Variants in TSKS observed in about 807,000 individuals in gnomAD.
The protein encoded by TSKS is testis specific serine kinase substrate, also known as testis-specific serine kinase substrate.
Under a neutral mutation model 68.0 loss-of-function variants are expected in TSKS, and 27 were observed. That is an observed-to-expected ratio of 0.40 (90% CI 0.29 to 0.55). The LOEUF (loss-of-function observed/expected upper bound fraction) is 0.55. Among genes scored for constraint, TSKS ranks in the 20% least tolerant of loss-of-function variants. The pLI, the probability that TSKS is intolerant of heterozygous loss-of-function variation, is 0.53. For synonymous variants in TSKS, 331 were observed against 340.4 expected (o/e 0.97, Z 0.30); for missense variants, 806 against 776.0 (o/e 1.04, Z -0.46).
At chr19:49,750,759 C>T (rs117693125) in intron 2 of TSKS, among the ~76,000 whole-genome samples, 2,245 of 152,284 alleles carry the variant, frequency 0.015, 32 homozygotes, top group Non-Finnish European at 0.021. Flanking sequence ...AATGGCTGAG[C>T]AACCAGAACG....
chr19:49,749,961 T>A (rs1475724737), intron 2 of TSKS, among the ~76,000 whole-genome samples: 2 of 152,016 alleles, frequency 1.3e-5, no homozygotes, highest in Non-Finnish European at 2.9e-5. Context: ...ACATCATTAC[T>A]TAGACTGTGC....
intron 8 of TSKS, among the ~76,000 whole-genome samples, chr19:49,743,321 G>C (rs1490078812): frequency 6.6e-6 from 1 of 150,994 alleles, no homozygotes; most frequent in Non-Finnish European, 1.5e-5. Context: ...TCAGTGATCT[G>C]CCCGTCTTGG....
intron 8 of TSKS, among the ~76,000 whole-genome samples, chr19:49,743,282 T>C (rs2084267358): frequency 1.3e-5 from 2 of 151,820 alleles, no homozygotes; most frequent in African/African-American, 4.8e-5. Context: ...TCTCACCATG[T>C]TGGCCAGGCT....
At chr19:49,757,688 C>T (rs142682646) in intron 2 of TSKS, among the ~76,000 whole-genome samples, 2 of 152,184 alleles carry the variant, frequency 1.3e-5, no homozygotes, top group African/African-American at 2.4e-5. Flanking sequence ...TCTCCATCAC[C>T]GCCTGGTTCT....
At chr19:49,747,494 G>C (rs1371408723) in intron 4 of TSKS, 22 bp from the exon 5 acceptor site, 2 of 1,612,474 alleles carry the variant, frequency 1.2e-6, no homozygotes, top group South Asian at 2.2e-5. Flanking sequence ...ACCAGGGCGA[G>C]GGCCCTGCCT....
rs924328914 is a variant in TSKS, at chr19:49,748,078, G to A, written c.579+7C>T. The A allele has an allele frequency of 1.9e-6, 3 of 1,613,574 alleles. No homozygotes were observed. Among genetic ancestry groups the A allele is most frequent in the Non-Finnish European group, 2.5e-6 (3 of 1,179,700 alleles). On this transcript the variant is annotated splice_region_variant and intron_variant, in intron 4 of 10. Coordinates refer to ENST00000246801, the MANE Select transcript of TSKS (RefSeq NM_021733.2). ...TCCCCATCCATTCCTGCGTCCCACT[G>A]GCTCACCTTGAGTTGAATGCAGTAC...
chr19:49,744,522 T>C, intron 7 of TSKS, 118 bp from the exon 8 acceptor site: 1 of 978,528 alleles, frequency 1.0e-6, no homozygotes. Flanking sequence ...TTCTCCACCC[T>C]GCCCTCCCCT....
intron 2 of TSKS, among the ~76,000 whole-genome samples, chr19:49,748,900 C>G (rs1283035519): frequency 6.6e-6 from 1 of 152,102 alleles, no homozygotes; most frequent in African/African-American, 2.4e-5. Context: ...AACCCCAACT[C>G]TACTAAAAAT....
At chr19:49,759,755 A>G (rs2084425125) in intron 2 of TSKS, among the ~76,000 whole-genome samples, 1 of 152,058 alleles carries the variant, frequency 6.6e-6, no homozygotes, top group Non-Finnish European at 1.5e-5. Flanking sequence ...AGATCGCTTA[A>G]GCCCAAGGGT....
chr19:49,747,996 A>G lies in TSKS; in HGVS notation c.579+89T>C, dbSNP rs1568562922. ...AGTGCTGGGATTACAGATGTGAGCCACTGCACCCAGCCTCCTCCCCTCTTT... is the reference window on the plus strand; with the variant it reads ...AGTGCTGGGATTACAGATGTGAGCCGCTGCACCCAGCCTCCTCCCCTCTTT... On this transcript the variant is annotated intron_variant, in intron 4 of 10. Transcript: ENST00000246801. 4.7e-6 allele frequency: 6 copies of G among 1,277,164 alleles called. No individual in the cohort carries two copies. The East Asian group carries it at 1.2e-4, about 25-fold the overall frequency. 79.1% of individuals were successfully genotyped at this position (1,277,164 alleles called of 1,614,324 possible).
In TSKS at chr19:49,746,518, A is replaced by C. The variant is rs777905280; in HGVS notation, c.944T>G (p.Val315Gly). Reference protein sequence around the residue: ...MGPRAGEGPYVSEQELQKLFT... With the variant: ...MGPRAGEGPYGSEQELQKLFT... ...CAGCTTCTGCAATTCCTGCTCGCTC[A>C]CGTAGGGGCCCTCGCCAGCCCGAGG... Residue 315 changes from valine to glycine, a missense_variant, in exon 6 of 11, where the codon GTG becomes GGG. Coordinates refer to ENST00000246801, the MANE Select transcript of TSKS (RefSeq NM_021733.2). 1 of 1,613,740 alleles carries C rather than the reference A, an allele frequency of 6.2e-7. No individual in the cohort carries two copies. The highest frequency in any genetic ancestry group is 1.1e-5 in the South Asian group (1 of 91,072).
chr19:49,752,858 C>T (rs2084362320), intron 2 of TSKS, among the ~76,000 whole-genome samples: 1 of 152,200 alleles, frequency 6.6e-6, no homozygotes, highest in Admixed American at 6.5e-5. Context: ...AAGCTTTTCA[C>T]CTCTGGCTGA....
Position 49,748,609 on chromosome 19 carries a change from A to G in TSKS, c.400-140T>C, listed in dbSNP as rs919349160. The G allele has an allele frequency of 5.6e-6, 4 of 717,828 alleles. No individual in the cohort carries two copies. The East Asian group carries it at 8.0e-5, about 14-fold the overall frequency. The allele number at this position is 717,828 out of a possible 1,614,324, so 44.5% of individuals were successfully genotyped here. A position where few individuals can be genotyped will look rare whatever the true frequency, so the allele number is the denominator to read the frequency against. On this transcript the variant is annotated intron_variant, in intron 2 of 10. Coordinates refer to ENST00000246801, the MANE Select transcript of TSKS (RefSeq NM_021733.2). Reference sequence around the variant, plus strand: ...GCTATGTGACTTGGAGCCAAGGGCTATACCTCTGATTCTTAGCATTCCTGC... The same window carrying G: ...GCTATGTGACTTGGAGCCAAGGGCTGTACCTCTGATTCTTAGCATTCCTGC...
chr19:49,746,683 T>A lies in TSKS; in HGVS notation c.779A>T (p.Glu260Val), dbSNP rs376063874. 44 of 1,295,462 alleles carry A rather than the reference T, an allele frequency of 3.4e-5. No homozygotes were observed. The highest frequency in any genetic ancestry group is 4.2e-5 in the Non-Finnish European group (41 of 967,424). 80.2% of individuals were successfully genotyped at this position (1,295,462 alleles called of 1,614,324 possible). Residue 260 changes from glutamate to valine, a missense_variant, in exon 6 of 11, where the codon GAG becomes GTG. Physicochemically the swap from Glu to Val is moderately radical, Grantham distance 121. Transcript: ENST00000246801. ...QEPEEKQEPEEKQKPEAGLSW... is the reference protein window; with the variant it reads ...QEPEEKQEPEVKQKPEAGLSW... ...GAGGCCAGCCTCCGGCTTCTGCTTCTCCTCCGGCTCCTGCTTCTCCTCCGG... is the reference window on the plus strand; with the variant it reads ...GAGGCCAGCCTCCGGCTTCTGCTTCACCTCCGGCTCCTGCTTCTCCTCCGG...
At position 49,746,619 on chromosome 19, in the gene TSKS, G is replaced by A. The variant is rs779722329; in HGVS notation, c.843C>T (p.Gly281=). Residue 281 remains glycine, a synonymous_variant, in exon 6 of 11, where the codon GGC becomes GGT. Coordinates refer to ENST00000246801, the MANE Select transcript of TSKS (RefSeq NM_021733.2). ...NSLGPAATSQ[G]CPGPPGSPDK... ...CGGGACTCCCTGGCGGGCCGGGGCAGCCCTGGGACGTGGCGGCGGGGCCCA... is the reference window on the plus strand; with the variant it reads ...CGGGACTCCCTGGCGGGCCGGGGCAACCCTGGGACGTGGCGGCGGGGCCCA... 8 of 1,610,840 alleles carry A rather than the reference G, an allele frequency of 5.0e-6. No homozygotes were observed. The Admixed American group carries it at 1.2e-4, about 24-fold the overall frequency.
At chr19:49,750,540 A>G (rs190433752) in intron 2 of TSKS, among the ~76,000 whole-genome samples, 4 of 152,276 alleles carry the variant, frequency 2.6e-5, no homozygotes, top group South Asian at 4.1e-4. Context: ...TACAGGCGTA[A>G]GCCACCGTGC....
chr19:49,753,548 C>T (rs1363939750), intron 2 of TSKS, among the ~76,000 whole-genome samples: 1 of 137,410 alleles, frequency 7.3e-6, no homozygotes, highest in African/African-American at 3.0e-5. Flanking sequence ...GGCAACAAAG[C>T]AAGACTCCAT....
chr19:49,760,887 G>A (rs1715332163), intron 2 of TSKS, among the ~76,000 whole-genome samples: 4 of 152,064 alleles, frequency 2.6e-5, no homozygotes, highest in Non-Finnish European at 4.4e-5. Context: ...TCCGGAGTTC[G>A]AGACCAGCCT....
rs778310453 is a variant in TSKS, at chr19:49,740,043, C to A, written c.1622+16G>T. On this transcript the variant is annotated intron_variant, in intron 10 of 10. Transcript: ENST00000246801. ...AGATCTCACCCTCCTCCCATGCCCT[C>A]AGCCTCCTTCCTCACTCTGGCTTCA... The A allele has an allele frequency of 1.9e-6, 3 of 1,613,990 alleles. No homozygotes were observed. The highest frequency in any genetic ancestry group is 1.6e-4 in the Middle Eastern group (1 of 6,084).
Sources: allele counts gnomAD v4.1 joint callset (sites outside exome capture counted in the v4.1 genomes callset), GRCh38; gene constraint gnomAD v4.1.1; transcripts MANE v1.5; gene names NCBI Gene and HGNC (gene_info 2026-07-23, HGNC 2026-07-21).